LITAF: variants seen among roughly 807,000 people sequenced by gnomAD.
The protein encoded by LITAF is lipopolysaccharide induced TNF factor.
LITAF carries 9 observed loss-of-function variants against 14.5 expected under a neutral mutation model. The ratio of observed to expected loss-of-function variants is 0.62; its 90% CI spans 0.37 to 1.08. LITAF has a LOEUF of 1.08. Ranked by LOEUF, LITAF falls within the 50% of genes least tolerant of loss-of-function variation. The probability of loss-of-function intolerance (pLI) is 0.01; values close to 1 mark genes in which losing one functional copy is unlikely to be tolerated. For synonymous variants in LITAF, 98 were observed against 88.2 expected, an observed-to-expected ratio of 1.11 and a Z score of -0.62; for missense variants, 206 against 213.4, an observed-to-expected ratio of 0.97 and a Z score of 0.22.
At chr16:11,635,054 TAAAATAAAATAAAATAAAATA>T (rs2065132918) in intron 2 of LITAF, among the ~76,000 whole-genome samples, 1 of 22,222 alleles carries the variant, frequency 4.5e-5, no homozygotes, top group South Asian at 9.1e-4. Context: ...TAAAATAAAA[TAAAATAAAATAAAATAAAATA>T]AAATAAAATA....
At chr16:11,629,133 G>C (rs1374352906) in intron 3 of LITAF, 1 of 152,394 alleles carries the variant, frequency 6.6e-6, no homozygotes, top group Non-Finnish European at 1.5e-5. Context: ...CAAGTGCTGG[G>C]ATGGCACCCA....
chr16:11,632,792 G>A lies in LITAF; in HGVS notation c.85+741C>T, dbSNP rs1187335210. ...TATGTGGTGCCCTCAGCCCCCGCAC[G>A]GGTCAGAGTTTTCCGTGTGCCGCCT... On this transcript the variant is annotated intron_variant, in intron 3 of 3. Coordinates refer to the LITAF transcript ENST00000574848. This position sits in a 1 kb window ranked among gnomAD's most constrained non-coding sequence, Gnocchi z 4.8. Among the ~76,000 whole-genome samples the A allele has an allele frequency of 3.3e-5, 5 of 152,162 alleles. No homozygotes were observed. Among genetic ancestry groups the A allele is most frequent in the African/African-American group, 7.2e-5 (3 of 41,418 alleles).
In LITAF at chr16:11,552,845, G is replaced by A. The variant is rs577105780; in HGVS notation, c.377+688C>T. Among the ~76,000 whole-genome samples, 9 of 152,290 alleles carry A rather than the reference G, an allele frequency of 5.9e-5. No homozygotes were observed. The South Asian group carries it at 1.9e-3, about 32-fold the overall frequency. On this transcript the variant is annotated intron_variant, in intron 3 of 3. Coordinates refer to ENST00000622633, the MANE Select transcript of LITAF (RefSeq NM_001136472.2). Reference sequence around the variant, plus strand: ...AGAAATGTCTTGGGCCAGGCATGATGGCCCACACCTGTAATCCCAGCACTT... The same window carrying A: ...AGAAATGTCTTGGGCCAGGCATGATAGCCCACACCTGTAATCCCAGCACTT...
chr16:11,580,545 C>T (rs2064716161), intron 1 of LITAF, among the ~76,000 whole-genome samples: 3 of 152,100 alleles, frequency 2.0e-5, no homozygotes, highest in South Asian at 2.1e-4. Flanking sequence ...CGTGAGCCAC[C>T]GTGCCTGGCT....
chr16:11,616,887 G>C (rs981919050), intron 3 of LITAF, among the ~76,000 whole-genome samples: 1 of 147,000 alleles, frequency 6.8e-6, no homozygotes, highest in Non-Finnish European at 1.5e-5. Context: ...ACTCCAACCT[G>C]GGAAAGAGAG....
intron 1 of LITAF, among the ~76,000 whole-genome samples, chr16:11,571,931 T>A (rs1420541246): frequency 6.6e-6 from 1 of 151,812 alleles, no homozygotes; most frequent in East Asian, 1.9e-4. Context: ...ACTCTGTCTC[T>A]TTTTTTAATT....
intron 1 of LITAF, among the ~76,000 whole-genome samples, chr16:11,596,103 G>C (rs142976428): frequency 0.015 from 2,356 of 152,258 alleles, 21 homozygotes; most frequent in Middle Eastern, 0.037. Flanking sequence ...GCCCAGGTGA[G>C]CTTCCCAAGC....
rs2064209788 is a variant in LITAF, at chr16:11,553,275, G to A, written c.377+258C>T. ...CTCTACTAAAAATAAGCTGGGCGTG[G>A]TTGTGCACCCCTATAATCCCAGCTA... On this transcript the variant is annotated intron_variant, in intron 3 of 3. Transcript: ENST00000622633. The surrounding 1 kb of genome is among the most constrained non-coding windows in gnomAD (Gnocchi z 7.7). The A allele has an allele frequency of 4.4e-6, 2 of 458,550 alleles. No individual in the cohort carries two copies. The highest frequency in any genetic ancestry group is 8.1e-6 in the Non-Finnish European group (2 of 246,412). The allele number at this position is 458,550 out of a possible 1,614,324, so 28.4% of individuals were successfully genotyped here. A position where few individuals can be genotyped will look rare whatever the true frequency, so the allele number is the denominator to read the frequency against.
chr16:11,585,245 A>AG (rs372127151), intron 1 of LITAF, among the ~76,000 whole-genome samples: 79 of 151,190 alleles, frequency 5.2e-4, no homozygotes, highest in Admixed American at 7.9e-4. Context: ...AAAAAAAAAA[A>AG]AAAGAAAGAA....
rs1423313206 is a variant in LITAF, at chr16:11,548,383, C to T, written c.*1254G>A. 1 of 454,022 alleles carries T rather than the reference C, an allele frequency of 2.2e-6. No homozygotes were observed. Among genetic ancestry groups the T allele is most frequent in the Non-Finnish European group, 4.4e-6 (1 of 226,784 alleles). 28.1% of individuals were successfully genotyped at this position (454,022 alleles called of 1,614,324 possible). On this transcript the variant is annotated 3_prime_UTR_variant, in exon 4 of 4. Transcript: ENST00000622633. ...TGTGTCTCTGAAAACTAAAATCAGA[C>T]TTTAGATTCCTCTGAAACAGTTCTG... is the stretch of plus-strand genomic sequence containing the variant.
chr16:11,572,211 G>A (rs12934554), intron 1 of LITAF, among the ~76,000 whole-genome samples: 81,087 of 151,800 alleles, frequency 0.53, 21,815 homozygotes, highest in East Asian at 0.58. Flanking sequence ...CACCTTCCAC[G>A]TCAAGACACT....
At chr16:11,563,402 G>C (rs2064403535) in intron 1 of LITAF, among the ~76,000 whole-genome samples, 1 of 152,064 alleles carries the variant, frequency 6.6e-6, no homozygotes, top group Non-Finnish European at 1.5e-5. Context: ...AGCCCGCCTT[G>C]GCCTCCCAGA....
At chr16:11,602,825 G>A (rs2064935741), upstream of LITAF, among the ~76,000 whole-genome samples, 1 of 151,780 alleles carries the variant, frequency 6.6e-6, no homozygotes, top group Non-Finnish European at 1.5e-5. Context: ...AAAGGACACA[G>A]GTGGGATTCA....
chr16:11,567,844 C>T (rs962343377), intron 1 of LITAF, among the ~76,000 whole-genome samples: 5 of 152,076 alleles, frequency 3.3e-5, no homozygotes, highest in Non-Finnish European at 7.4e-5. Context: ...ATTAGCCAGG[C>T]GTGGTGACGC....
At chr16:11,567,434 CACAAA>C (rs535454875) in intron 1 of LITAF, among the ~76,000 whole-genome samples, 3 of 146,900 alleles carry the variant, frequency 2.0e-5, no homozygotes, top group South Asian at 2.1e-4. Flanking sequence ...AAAAAAAAAA[CACAAA>C]ACAAAACAAA....
chr16:11,570,453 G>C (rs191164388), intron 1 of LITAF, among the ~76,000 whole-genome samples: 2 of 152,274 alleles, frequency 1.3e-5, no homozygotes, highest in Admixed American at 1.3e-4. Context: ...CGGCTTCACA[G>C]GTAGACATTC....
At position 11,549,576 on chromosome 16, in the gene LITAF, C is replaced by T. The variant is rs1165418166; in HGVS notation, c.*61G>A. The T allele has an allele frequency of 1.6e-6, 2 of 1,272,636 alleles. No homozygotes were observed. Among genetic ancestry groups the T allele is most frequent in the Non-Finnish European group, 2.3e-6 (2 of 886,498 alleles). The allele number at this position is 1,272,636 out of a possible 1,614,324, so 78.8% of individuals were successfully genotyped here. A position where few individuals can be genotyped will look rare whatever the true frequency, so the allele number is the denominator to read the frequency against. On this transcript the variant is annotated 3_prime_UTR_variant, in exon 4 of 4. Transcript: ENST00000622633. The surrounding 1 kb of genome is among the most constrained non-coding windows in gnomAD (Gnocchi z 4.6). Reference sequence around the variant, plus strand: ...GGCAGAACCTCCACCAGGCGTGAAGCTGGATGAGAGGTGGAAAGGACTTCC... The same window carrying T: ...GGCAGAACCTCCACCAGGCGTGAAGTTGGATGAGAGGTGGAAAGGACTTCC...
At chr16:11,613,049 G>T (rs573376709) in intron 3 of LITAF, among the ~76,000 whole-genome samples, 1 of 151,964 alleles carries the variant, frequency 6.6e-6, no homozygotes, top group Non-Finnish European at 1.5e-5. Context: ...TGTTTTTTGG[G>T]GTTTGTTTTA....
intron 3 of LITAF, among the ~76,000 whole-genome samples, chr16:11,620,894 G>A (rs895388404): frequency 6.6e-5 from 10 of 152,114 alleles, no homozygotes; most frequent in South Asian, 2.1e-4. Context: ...CACTGGGCTC[G>A]CCATTTGTGA....
Sources: gnomAD v4.1 joint callset for allele counts (sites outside exome capture counted in the v4.1 genomes callset) on GRCh38, gnomAD v4.1.1 for gene constraint, Gnocchi (gnomAD v3.1) non-coding constraint, MANE v1.5 for transcripts, NCBI Gene and HGNC (gene_info 2026-07-23, HGNC 2026-07-21) for gene names.